KMT2B: variants seen among roughly 807,000 people sequenced by gnomAD.
KMT2B encodes the protein histone-lysine N-methyltransferase 2B.
Under a neutral mutation model 255.3 loss-of-function variants are expected in KMT2B, and 22 were observed. That is an observed-to-expected ratio of 0.09 (90% CI 0.06 to 0.12). KMT2B has a LOEUF of 0.12. Among genes scored for constraint, KMT2B ranks in the 10% least tolerant of loss-of-function variants. KMT2B has a pLI of 1.00. For synonymous variants in KMT2B, 1,730 were observed against 1,498.1 expected (o/e 1.15, Z -3.57); for missense variants, 3,149 against 3,737.0 (o/e 0.84, Z 4.10).
At position 35,738,710 on chromosome 19, in the gene KMT2B, C is replaced by A; in HGVS notation, c.*153C>A. ...GGGCATGCAGGTGACAAGGGCCCTG[C>A]CTCCACCCCTCCAGCCCATCCAGCA... On this transcript the variant is annotated 3_prime_UTR_variant, in exon 37 of 37. Coordinates refer to ENST00000420124, the MANE Select transcript of KMT2B (RefSeq NM_014727.3). The surrounding 1 kb of genome is among the most constrained non-coding windows in gnomAD (Gnocchi z 8.7). 2 of 782,016 alleles carry A rather than the reference C, an allele frequency of 2.6e-6. No individual in the cohort carries two copies. The highest frequency in any genetic ancestry group is 4.0e-6 in the Non-Finnish European group (2 of 500,578). 48.4% of individuals were successfully genotyped at this position (782,016 alleles called of 1,614,324 possible).
rs34763514 is a variant in KMT2B at position 35,723,684 on chromosome 19, C to CAT, written c.3059-47_3059-46dup. 6.8e-7 allele frequency: 1 copy of CAT among 1,475,968 alleles called. No homozygotes were observed. The highest frequency in any genetic ancestry group is 9.1e-7 in the Non-Finnish European group (1 of 1,097,350). The allele number at this position is 1,475,968 out of a possible 1,614,324, so 91.4% of individuals were successfully genotyped here. A position where few individuals can be genotyped will look rare whatever the true frequency, so the allele number is the denominator to read the frequency against. The stretch of plus-strand genomic sequence containing the variant: ...CTTTCTGGCTTCTCTCCCAGTGTCC[C>CAT]ATGTCCCTGGCTGAGCTCAAATCCT... On this transcript the variant is annotated intron_variant, in intron 7 of 36. Transcript: ENST00000420124. This position sits in a 1 kb window ranked among gnomAD's most constrained non-coding sequence, Gnocchi z 7.5.
Position 35,721,824 on chromosome 19 carries a change from C to G in KMT2B, c.2457+20C>G. 3.2e-6 allele frequency: 5 copies of G among 1,541,902 alleles called. No homozygotes were observed. Among genetic ancestry groups the G allele is most frequent in the Non-Finnish European group, 4.4e-6 (5 of 1,145,114 alleles). ...ATGCCGGTGAGTGTGGTCCCTGGGC[C>G]CAGCGGCACACCCAGCCATCCAGCC... On this transcript the variant is annotated intron_variant, in intron 3 of 36. Transcript: ENST00000420124.
chr19:35,732,801 T>A lies in KMT2B; in HGVS notation c.6252T>A (p.Pro2084=). The A allele has an allele frequency of 6.2e-7, 1 of 1,606,454 alleles. No individual in the cohort carries two copies. The highest frequency in any genetic ancestry group is 8.5e-7 in the Non-Finnish European group (1 of 1,177,220). ...AVQQPRGQGT[P]PSGPGVVRAG... is the part of the protein sequence containing the mutation. ...AGCAGCCTCGGGGCCAGGGCACGCCTCCTTCGGGGCCAGGAGTAGTCCGGG... is the reference window on the plus strand; with the variant it reads ...AGCAGCCTCGGGGCCAGGGCACGCCACCTTCGGGGCCAGGAGTAGTCCGGG... Residue 2084 remains proline (P), a synonymous_variant, in exon 28 of 37, where the codon CCT becomes CCA. Transcript: ENST00000420124.
rs767791971 is a variant in KMT2B at position 35,732,203 on chromosome 19, C to G, written c.5666-12C>G. The G allele has an allele frequency of 4.4e-6, 7 of 1,577,810 alleles. No homozygotes were observed. The highest frequency in any genetic ancestry group is 1.4e-5 in the African/African-American group (1 of 73,696). On this transcript the variant is annotated splice_polypyrimidine_tract_variant and intron_variant, in intron 27 of 36. Coordinates refer to ENST00000420124, the MANE Select transcript of KMT2B (RefSeq NM_014727.3). ...GTGGGAGCTGCTGGTAACACCAACC[C>G]TCCCCCCACAGGAAGTCCATCTTCA...
At position 35,731,070 on chromosome 19, in the gene KMT2B, G is replaced by A. The variant is rs1004222911; in HGVS notation, c.5437+203G>A. Among the ~76,000 whole-genome samples the A allele has an allele frequency of 9.8e-5, 15 of 152,334 alleles. No homozygotes were observed. The South Asian group carries it at 1.7e-3, about 17-fold the overall frequency. ...TCATGGGAAGTGAGGTGGGGAGAGC[G>A]GCACGCTGCCTACTTGAGGTGGGGT... On this transcript the variant is annotated intron_variant, in intron 26 of 36. Coordinates refer to ENST00000420124, the MANE Select transcript of KMT2B (RefSeq NM_014727.3).
At chr19:35,724,886 G>GATCAGGGTCTGT in intron 9 of KMT2B, 103 bp from the exon 10 acceptor site, 1 of 1,144,108 alleles carries the variant, frequency 8.7e-7, no homozygotes, top group Admixed American at 2.0e-5. Context: ...AAGGGGTCTG[G>GATCAGGGTCTGT]ATCAGGGTCT....
In KMT2B at chr19:35,736,834, G is replaced by T. The variant is rs201555369; in HGVS notation, c.7297+7G>T. The T allele has an allele frequency of 6.5e-4, 1,050 of 1,613,904 alleles. 5 individuals are homozygous for T. Among genetic ancestry groups the T allele is most frequent in the South Asian group, 1.5e-3 (135 of 91,078 alleles). On this transcript the variant is annotated splice_region_variant and intron_variant, in intron 31 of 36. Coordinates refer to ENST00000420124, the MANE Select transcript of KMT2B (RefSeq NM_014727.3). ...GAGGCAGAGAGCTTGGAGGGTGAGTGGGGGGAGTGCAGTGGCAGGAGGGAG... is the reference window on the plus strand; with the variant it reads ...GAGGCAGAGAGCTTGGAGGGTGAGTTGGGGGAGTGCAGTGGCAGGAGGGAG...
At chr19:35,735,311 C>T (rs975973655) in intron 30 of KMT2B, 1 of 152,316 alleles carries the variant, frequency 6.6e-6, no homozygotes, top group African/African-American at 2.4e-5. Flanking sequence ...GCCTGTTCCA[C>T]TCAAGCTTTT....
rs940591049 is a variant in KMT2B, at chr19:35,720,490, G to A, written c.1143G>A (p.Lys381=). The A allele has an allele frequency of 6.5e-7, 1 of 1,549,462 alleles. No individual in the cohort carries two copies. The highest frequency in any genetic ancestry group is 2.0e-5 in the Admixed American group (1 of 50,934). The change falls in exon 3 of 37, where the codon AAG becomes AAA. Residue 381 remains lysine (K), a synonymous_variant. Transcript: ENST00000420124. ...EEEKDKEGEE[K]EERAVAEEMM... ...AAAAAGACAAGGAGGGAGAAGAGAAGGAAGAAAGAGCTGTAGCTGAGGAGA... is the reference window on the plus strand; with the variant it reads ...AAAAAGACAAGGAGGGAGAAGAGAAAGAAGAAAGAGCTGTAGCTGAGGAGA...
chr19:35,725,426 G>A lies in KMT2B; in HGVS notation c.3643-53G>A, dbSNP rs1388009439. The A allele has an allele frequency of 2.5e-4, 392 of 1,598,412 alleles. 2 individuals carry two copies. The highest frequency in any genetic ancestry group is 3.8e-4 in the South Asian group (34 of 90,520). ...CCCTCTCAGCTGGGTCTCATCCCTT[G>A]GCCCTCTGGCCTCATGCTATGCCCA... is the stretch of plus-strand genomic sequence containing the variant. On this transcript the variant is annotated intron_variant, in intron 11 of 36. Transcript: ENST00000420124. This position sits in a 1 kb window ranked among gnomAD's most constrained non-coding sequence, Gnocchi z 4.1.
chr19:35,731,453 GGTACACCCATCCC>G (rs1339399011), intron 26 of KMT2B, among the ~76,000 whole-genome samples: 1 of 152,184 alleles, frequency 6.6e-6, no homozygotes, highest in Non-Finnish European at 1.5e-5. Flanking sequence ...AGAGGAGGAG[GGTACACCCATCCC>G]GTCTGGAAAC....
rs1370391407 is a variant in KMT2B at position 35,719,553 on chromosome 19, G to A, written c.436+12G>A. ...CCGATCCCAGCGAGGTGAGTGACGG[G>A]GGAACTCCACCTCTTTAGCGTCACA... On this transcript the variant is annotated intron_variant, in intron 2 of 36. Coordinates refer to ENST00000420124, the MANE Select transcript of KMT2B (RefSeq NM_014727.3). The A allele has an allele frequency of 6.3e-7, 1 of 1,581,844 alleles. No individual in the cohort carries two copies. Among genetic ancestry groups the A allele is most frequent in the Non-Finnish European group, 8.6e-7 (1 of 1,163,122 alleles).
rs772203185 is a variant in KMT2B, at chr19:35,736,784, C to A, written c.7254C>A (p.Ile2418=). 3.1e-6 allele frequency: 5 copies of A among 1,613,870 alleles called. No homozygotes were observed. The African/African-American group carries it at 6.7e-5, about 22-fold the overall frequency. Residue 2418 remains isoleucine, a synonymous_variant, in exon 31 of 37, where the codon ATC becomes ATA. Transcript: ENST00000420124. The part of the protein sequence containing the change: ...KRTGPHLRFE[I]SSEDGFSVEA... ...CTGGCCCACATCTGCGCTTCGAGAT[C>A]AGCAGTGAGGATGGGTTCAGCGTTG... is the stretch of plus-strand genomic sequence containing the variant.
At chr19:35,722,107 A>G (rs1371016995) in intron 3 of KMT2B, among the ~76,000 whole-genome samples, 1 of 150,528 alleles carries the variant, frequency 6.6e-6, no homozygotes, top group Non-Finnish European at 1.5e-5. Context: ...CGGGTTCAAG[A>G]GATTCTCCTG....
At chr19:35,736,043 T>G (rs1301067021) in intron 30 of KMT2B, 1 of 152,558 alleles carries the variant, frequency 6.6e-6, no homozygotes, top group East Asian at 1.9e-4. Flanking sequence ...GGCGGGCGGA[T>G]CACCTGAGGT....
In KMT2B at chr19:35,733,731, C is replaced by T. The variant is rs748838475; in HGVS notation, c.7050-32C>T. ...TCCCTGGAGGGTCTGGGACCTCTGT[C>T]CTTCCCCTTCCTGACAGGTCTCTTC... On this transcript the variant is annotated intron_variant, in intron 29 of 36. Coordinates refer to ENST00000420124, the MANE Select transcript of KMT2B (RefSeq NM_014727.3). The surrounding 1 kb of genome is among the most constrained non-coding windows in gnomAD (Gnocchi z 4.3). The T allele has an allele frequency of 1.9e-6, 3 of 1,610,036 alleles. No individual in the cohort carries two copies. The highest frequency in any genetic ancestry group is 2.2e-5 in the South Asian group (2 of 90,552).
intron 9 of KMT2B, 69 bp downstream of exon 9, chr19:35,724,800 A>T: frequency 2.2e-6 from 3 of 1,369,556 alleles, no homozygotes; most frequent in South Asian, 1.2e-5. Flanking sequence ...TGACAGACAC[A>T]CCTGAGTGTC....
At position 35,718,052 on chromosome 19, in the gene KMT2B, G is replaced by A; in HGVS notation, c.34G>A (p.Gly12Arg). ...AAAAGGGSCP[G>R]PGSARGRFPG... ...GGCGGCGGGCGGCGGCAGTTGCCCC[G>A]GGCCTGGCTCCGCGCGGGGCCGCTT... Residue 12 changes from glycine to arginine, a missense_variant, in exon 1 of 37, where the codon GGG (glycine) becomes AGG (arginine). Coordinates refer to ENST00000420124, the MANE Select transcript of KMT2B (RefSeq NM_014727.3). This position sits in a 1 kb window ranked among gnomAD's most constrained non-coding sequence, Gnocchi z 5.0. 1.0e-6 allele frequency: 1 copy of A among 986,594 alleles called. No individual in the cohort carries two copies. Among genetic ancestry groups the A allele is most frequent in the Non-Finnish European group, 1.2e-6 (1 of 832,018 alleles). 61.1% of individuals were successfully genotyped at this position (986,594 alleles called of 1,614,324 possible).
chr19:35,720,924 A>C lies in KMT2B; in HGVS notation c.1577A>C (p.Gln526Pro). Residue 526 changes from glutamine (Q) to proline (P), a missense_variant, in exon 3 of 37, where the codon CAG becomes CCG. Gln to Pro is a moderately conservative substitution (Grantham distance 76). Coordinates refer to ENST00000420124, the MANE Select transcript of KMT2B (RefSeq NM_014727.3). ...ACCACCTTCCTGAAGAATATCCGGCAGTTTATTATGCCTGTGGTGAGTGCC... is the reference window on the plus strand; with the variant it reads ...ACCACCTTCCTGAAGAATATCCGGCCGTTTATTATGCCTGTGGTGAGTGCC... Reference protein sequence around the residue: ...KSTTFLKNIRQFIMPVVSARS... With the variant: ...KSTTFLKNIRPFIMPVVSARS... The C allele has an allele frequency of 1.2e-6, 2 of 1,610,856 alleles. No homozygotes were observed. Among genetic ancestry groups the C allele is most frequent in the African/African-American group, 1.3e-5 (1 of 74,734 alleles).
Sources: allele counts gnomAD v4.1 joint callset (sites outside exome capture counted in the v4.1 genomes callset), GRCh38; gene constraint gnomAD v4.1.1; non-coding constraint Gnocchi (gnomAD v3.1); transcripts MANE v1.5; gene names NCBI Gene and HGNC (gene_info 2026-07-23, HGNC 2026-07-21).